SH3PXD2A: variants seen among roughly 807,000 people sequenced by gnomAD.
SH3PXD2A encodes the protein SH3 and PX domains 2A, also known as SH3 and PX domain-containing protein 2A.
A neutral mutation model predicts 115.2 loss-of-function variants in SH3PXD2A; 32 were observed. The ratio of observed to expected loss-of-function variants is 0.28; its 90% CI spans 0.21 to 0.37. The LOEUF (loss-of-function observed/expected upper bound fraction) is 0.37. Ranked by LOEUF, SH3PXD2A falls within the 10% of genes least tolerant of loss-of-function variation. SH3PXD2A has a pLI of 1.00. For missense variants in SH3PXD2A, 1,328 were observed against 1,498.7 expected (o/e 0.89, Z 1.88); for synonymous variants, 610 against 629.1 (o/e 0.97, Z 0.45).
intron 8 of SH3PXD2A, among the ~76,000 whole-genome samples, chr10:103,633,727 CAAAAAAA>C (rs35917262): frequency 0.048 from 3,542 of 74,142 alleles, 157 homozygotes; most frequent in African/African-American, 0.17. Flanking sequence ...GATTCTGTCT[CAAAAAAA>C]AAAAAAAAAA....
intron 4 of SH3PXD2A, among the ~76,000 whole-genome samples, chr10:103,734,922 C>G (rs567890121): frequency 6.6e-6 from 1 of 152,362 alleles, no homozygotes; most frequent in South Asian, 2.1e-4. Flanking sequence ...TCATTCCATC[C>G]TCATGACCAC....
intron 3 of SH3PXD2A, among the ~76,000 whole-genome samples, chr10:103,765,235 G>T (rs1477949796): frequency 6.6e-6 from 1 of 152,142 alleles, no homozygotes; most frequent in African/African-American, 2.4e-5. Flanking sequence ...CAGTACACAA[G>T]CCTTTGCCCT....
chr10:103,678,256 T>G, intron 6 of SH3PXD2A: 1 of 711,976 alleles, frequency 1.4e-6, no homozygotes, highest in Non-Finnish European at 2.2e-6. Flanking sequence ...TCTGCGTGGG[T>G]CCAGACCAAT....
At chr10:103,698,123 C>T (rs144329650) in intron 5 of SH3PXD2A, among the ~76,000 whole-genome samples, 35 of 152,272 alleles carry the variant, frequency 2.3e-4, no homozygotes, top group African/African-American at 8.2e-4. Flanking sequence ...AGCAGGCCCT[C>T]GCTGGGGAAT....
chr10:103,662,457 T>C (rs574436867), intron 7 of SH3PXD2A, among the ~76,000 whole-genome samples: 1 of 130,954 alleles, frequency 7.6e-6, no homozygotes, highest in South Asian at 2.4e-4. Flanking sequence ...CGGACTGCAG[T>C]GGCGCAATCT....
chr10:103,603,091 A>AGAGGAGGAG lies in SH3PXD2A; in HGVS notation c.2118_2126dup (p.Ser708_Ser710dup). On this transcript the variant is annotated inframe_insertion, in exon 15 of 15. Coordinates refer to ENST00000369774, the MANE Select transcript of SH3PXD2A (RefSeq NM_001394015.1). Reference sequence around the variant, plus strand: ...GGTCGCCACTGGTTTTGGACAAGGAAGAGGAGGAGGAGGAAGAGGAGGAGC... The same window carrying AGAGGAGGAG: ...GGTCGCCACTGGTTTTGGACAAGGAAGAGGAGGAGGAGGAGGAGGAGGAAGAGGAGGAGC... 1.2e-6 allele frequency: 2 copies of AGAGGAGGAG among 1,613,178 alleles called. No homozygotes were observed. The highest frequency in any genetic ancestry group is 1.7e-6 in the Non-Finnish European group (2 of 1,179,908).
intron 13 of SH3PXD2A, among the ~76,000 whole-genome samples, chr10:103,607,915 G>C (rs2036350614): frequency 1.3e-5 from 2 of 151,886 alleles, no homozygotes; most frequent in Non-Finnish European, 2.9e-5. Context: ...ATTGAGGTCG[G>C]TGCAAGATGT....
intron 5 of SH3PXD2A, among the ~76,000 whole-genome samples, chr10:103,719,267 T>A (rs1337396797): frequency 6.6e-6 from 1 of 151,942 alleles, no homozygotes; most frequent in Non-Finnish European, 1.5e-5. Context: ...GCTGACGAGG[T>A]TGGGAAGGCG....
chr10:103,742,834 C>T (rs1045547427), intron 3 of SH3PXD2A, among the ~76,000 whole-genome samples: 2 of 152,022 alleles, frequency 1.3e-5, no homozygotes, highest in African/African-American at 4.8e-5. Context: ...AATGGGGGGG[C>T]GGGTCCTTCT....
intron 1 of SH3PXD2A, among the ~76,000 whole-genome samples, chr10:103,842,168 A>C (rs1483781624): frequency 6.6e-6 from 1 of 151,526 alleles, no homozygotes; most frequent in African/African-American, 2.4e-5. Flanking sequence ...ACCATCACCA[A>C]CATGCCTGTC....
intron 8 of SH3PXD2A, among the ~76,000 whole-genome samples, chr10:103,649,657 T>C (rs902995): frequency 0.89 from 135,798 of 152,294 alleles, 60,863 homozygotes; most frequent in East Asian, 1. Context: ...TGCCAACCTG[T>C]ATGCTACCCC....
chr10:103,714,145 A>T (rs1442052397), intron 5 of SH3PXD2A, among the ~76,000 whole-genome samples: 1 of 152,128 alleles, frequency 6.6e-6, no homozygotes, highest in Non-Finnish European at 1.5e-5. Flanking sequence ...ACCAAGACCC[A>T]CCTTGAACAC....
chr10:103,793,331 T>G (rs181237825), intron 2 of SH3PXD2A, among the ~76,000 whole-genome samples: 393 of 151,500 alleles, frequency 2.6e-3, no homozygotes, highest in Non-Finnish European at 4.4e-3. Flanking sequence ...TGTTCTTGGG[T>G]TTTTTTTTAT....
intron 2 of SH3PXD2A, among the ~76,000 whole-genome samples, chr10:103,777,907 G>C (rs1271974409): frequency 6.6e-6 from 1 of 152,128 alleles, no homozygotes; most frequent in African/African-American, 2.4e-5. Context: ...AGGATCCAAG[G>C]AGAAGATGCA....
chr10:103,807,384 T>A (rs1212022510), intron 1 of SH3PXD2A, among the ~76,000 whole-genome samples: 2 of 152,204 alleles, frequency 1.3e-5, no homozygotes, highest in Non-Finnish European at 2.9e-5. Context: ...TGGTCCCATT[T>A]ACTGAGGAAG....
intron 4 of SH3PXD2A, among the ~76,000 whole-genome samples, chr10:103,730,075 G>A (rs906981186): frequency 1.1e-4 from 16 of 152,298 alleles, no homozygotes; most frequent in Admixed American, 5.9e-4. Flanking sequence ...CTTCTGCCTC[G>A]AAACGGTCAT....
chr10:103,836,387 T>C (rs1460627086), intron 1 of SH3PXD2A, among the ~76,000 whole-genome samples: 1 of 145,680 alleles, frequency 6.9e-6, no homozygotes, highest in Non-Finnish European at 1.5e-5. Flanking sequence ...ACACACACAA[T>C]ACATCCCCAA....
At chr10:103,813,099 T>C (rs188520992) in intron 1 of SH3PXD2A, among the ~76,000 whole-genome samples, 1 of 152,288 alleles carries the variant, frequency 6.6e-6, no homozygotes, top group African/African-American at 2.4e-5. Context: ...AAAAGGTTTA[T>C]AGTATCTTGA....
chr10:103,832,711 C>G (rs2039494642), intron 1 of SH3PXD2A, among the ~76,000 whole-genome samples: 1 of 152,112 alleles, frequency 6.6e-6, no homozygotes, highest in Admixed American at 6.5e-5. Flanking sequence ...AATGAGAACA[C>G]TTGGACACAG....
Sources: allele counts gnomAD v4.1 joint callset (sites outside exome capture counted in the v4.1 genomes callset), GRCh38; gene constraint gnomAD v4.1.1; transcripts MANE v1.5; gene names NCBI Gene and HGNC (gene_info 2026-07-23, HGNC 2026-07-21).